The following KDM4B variants were observed in gnomAD, a reference collection of about 807,000 sequenced individuals.
The protein encoded by KDM4B is lysine demethylase 4B, also known as lysine-specific demethylase 4B.
A neutral mutation model predicts 125.2 loss-of-function variants in KDM4B; 32 were observed. That is an observed-to-expected ratio of 0.26 (90% CI 0.19 to 0.34). The LOEUF is 0.34. Among genes scored for constraint, KDM4B ranks in the 10% least tolerant of loss-of-function variants. KDM4B has a pLI of 1.00. For missense variants in KDM4B, 1,190 were observed against 1,577.7 expected (o/e 0.75, Z 4.16); for synonymous variants, 721 against 677.9 (o/e 1.06, Z -0.99).
chr19:5,008,222 T>G (rs1046918938), intron 1 of KDM4B, among the ~76,000 whole-genome samples: 4 of 152,258 alleles, frequency 2.6e-5, no homozygotes, highest in African/African-American at 9.6e-5. Flanking sequence ...CCTTCATTTT[T>G]TGTGTGTGAA....
At chr19:5,136,599 G>T (rs1273250171) in intron 15 of KDM4B, among the ~76,000 whole-genome samples, 2 of 152,108 alleles carry the variant, frequency 1.3e-5, no homozygotes, top group Admixed American at 1.3e-4. Context: ...GCCTGCCACA[G>T]CCGGGCCGCC....
chr19:4,996,572 C>A (rs940848032), intron 1 of KDM4B, among the ~76,000 whole-genome samples: 1 of 151,472 alleles, frequency 6.6e-6, no homozygotes, highest in Non-Finnish European at 1.5e-5. Context: ...GACGCGGTCT[C>A]GCCATGTTGT....
intron 1 of KDM4B, among the ~76,000 whole-genome samples, chr19:5,007,111 C>A (rs1002556507): frequency 3.3e-5 from 5 of 152,212 alleles, no homozygotes; most frequent in Admixed American, 2.0e-4. Flanking sequence ...CCTGTCCCCA[C>A]CATCCCTCGT....
intron 18 of KDM4B, among the ~76,000 whole-genome samples, chr19:5,139,327 G>T (rs922395843): frequency 4.6e-5 from 7 of 152,152 alleles, no homozygotes; most frequent in Admixed American, 3.9e-4. Flanking sequence ...GGACGACGTT[G>T]TGTTGATCCG....
Position 5,082,396 on chromosome 19 carries a change from C to T in KDM4B, c.810C>T (p.Ile270=), listed in dbSNP as rs1483365071. The change falls in exon 9 of 23, where the codon ATC becomes ATT. Residue 270 remains isoleucine (I), a synonymous_variant. Coordinates refer to ENST00000159111, the MANE Select transcript of KDM4B (RefSeq NM_015015.3). The surrounding 1 kb of genome is among the most constrained non-coding windows in gnomAD (Gnocchi z 5.4). ...RITQEAGEFM[I]TFPYGYHAGF... Reference sequence around the variant, plus strand: ...CGCAGGAGGCCGGGGAATTCATGATCACATTTCCCTACGGCTACCACGCCG... The same window carrying T: ...CGCAGGAGGCCGGGGAATTCATGATTACATTTCCCTACGGCTACCACGCCG... 3 of 1,613,810 alleles carry T rather than the reference C, an allele frequency of 1.9e-6. No individual in the cohort carries two copies. Among genetic ancestry groups the T allele is most frequent in the Non-Finnish European group, 2.5e-6 (3 of 1,179,984 alleles).
chr19:4,978,796 G>A lies in KDM4B; in HGVS notation c.-109+9566G>A, dbSNP rs897009146. 3.3e-5 allele frequency among the ~76,000 whole-genome samples: 5 copies of A among 152,212 alleles called. No homozygotes were observed. In the East Asian group the frequency reaches 9.6e-4, roughly 29 times the overall value. On this transcript the variant is annotated intron_variant, in intron 1 of 22. Coordinates refer to ENST00000159111, the MANE Select transcript of KDM4B (RefSeq NM_015015.3). The stretch of plus-strand genomic sequence containing the variant: ...GTGGTCAGGCCCAGGCTGGTGCGTG[G>A]TCACTGGGAGCTCGGGCAGCATGGC...
At chr19:5,112,133 G>A (rs1355498286) in intron 10 of KDM4B, 6 of 326,388 alleles carry the variant, frequency 1.8e-5, no homozygotes, top group South Asian at 3.7e-5. Context: ...TGCGCCTGTG[G>A]TCCCAACTAC....
At chr19:5,036,217 A>G (rs1183831441) in intron 3 of KDM4B, among the ~76,000 whole-genome samples, 1 of 152,072 alleles carries the variant, frequency 6.6e-6, no homozygotes, top group Non-Finnish European at 1.5e-5. Flanking sequence ...GTGTGCGTGC[A>G]TGTATGTGTG....
At chr19:5,058,338 C>G (rs375216723) in intron 6 of KDM4B, among the ~76,000 whole-genome samples, 3 of 152,186 alleles carry the variant, frequency 2.0e-5, no homozygotes, top group Non-Finnish European at 4.4e-5. Context: ...ACACTCCACG[C>G]GCAACCCCCA....
intron 9 of KDM4B, among the ~76,000 whole-genome samples, chr19:5,101,542 C>A (rs1453316954): frequency 6.6e-6 from 1 of 150,608 alleles, no homozygotes; most frequent in Non-Finnish European, 1.5e-5. Flanking sequence ...AAAAAAAAAA[C>A]AAAACCCCAA....
Position 5,023,258 on chromosome 19 carries a change from G to A in KDM4B, c.-26+6919G>A, listed in dbSNP as rs141378444. 6.0e-3 allele frequency among the ~76,000 whole-genome samples: 909 copies of A among 152,330 alleles called. 7 individuals are homozygous for A. Among genetic ancestry groups the A allele is most frequent in the Admixed American group, 0.011 (173 of 15,302 alleles). On this transcript the variant is annotated intron_variant, in intron 2 of 22. Coordinates refer to ENST00000159111, the MANE Select transcript of KDM4B (RefSeq NM_015015.3). Reference sequence around the variant, plus strand: ...TCTGGAGTAGGACGAAGCAGAGAACGTTCTCGTGCCAAGGTTTTCTCTTTC... The same window carrying A: ...TCTGGAGTAGGACGAAGCAGAGAACATTCTCGTGCCAAGGTTTTCTCTTTC...
intron 11 of KDM4B, among the ~76,000 whole-genome samples, chr19:5,123,557 C>T (rs2039399544): frequency 6.6e-6 from 1 of 152,268 alleles, no homozygotes; most frequent in African/African-American, 2.4e-5. Flanking sequence ...GCTAGGACTG[C>T]AGCACCATTC....
intron 2 of KDM4B, among the ~76,000 whole-genome samples, chr19:5,022,093 CTG>C (rs1423681981): frequency 6.6e-6 from 1 of 152,178 alleles, no homozygotes; most frequent in Non-Finnish European, 1.5e-5. Context: ...TTGGATCAAA[CTG>C]TTGGTTTTAT....
intron 6 of KDM4B, among the ~76,000 whole-genome samples, chr19:5,068,180 G>A (rs1346857964): frequency 1.3e-5 from 2 of 151,580 alleles, no homozygotes; most frequent in African/African-American, 4.9e-5. Context: ...GGAGGGGGCC[G>A]TGCATTCTTC....
Position 5,119,840 on chromosome 19 carries a change from G to A in KDM4B, c.1303G>A (p.Glu435Lys), listed in dbSNP as rs1396907043. ...PQPLPHGREA[E>K]GAEEDGRGKL... ...GCCACTGCCACACGGCCGGGAGGCC[G>A]AGGGCGCAGAAGGTCAGTCCCTGCC... The change falls in exon 11 of 23, where the codon GAG (glutamate) becomes AAG (lysine). Residue 435 changes from glutamate (E) to lysine (K), a missense_variant. Physicochemically the swap from Glu to Lys is moderately conservative, Grantham distance 56 (BLOSUM62 1). Transcript: ENST00000159111. The A allele has an allele frequency of 4.5e-6, 7 of 1,545,976 alleles. No homozygotes were observed. Among genetic ancestry groups the A allele is most frequent in the Non-Finnish European group, 5.2e-6 (6 of 1,146,106 alleles).
intron 2 of KDM4B, among the ~76,000 whole-genome samples, chr19:5,029,071 T>C (rs2036370553): frequency 6.6e-6 from 1 of 152,168 alleles, no homozygotes; most frequent in Non-Finnish European, 1.5e-5. Flanking sequence ...CCGCCACACC[T>C]GGCTAATTTT....
At chr19:4,984,089 G>T (rs2034744276) in intron 1 of KDM4B, among the ~76,000 whole-genome samples, 1 of 152,210 alleles carries the variant, frequency 6.6e-6, no homozygotes, top group Non-Finnish European at 1.5e-5. Flanking sequence ...CTCCTGGCGT[G>T]GGGTGGGTGG....
At chr19:5,071,713 G>A (rs1298724110) in intron 7 of KDM4B, among the ~76,000 whole-genome samples, 1 of 152,194 alleles carries the variant, frequency 6.6e-6, no homozygotes, top group Non-Finnish European at 1.5e-5. Flanking sequence ...GGAGACACCC[G>A]GGATGGGGCC....
intron 1 of KDM4B, among the ~76,000 whole-genome samples, chr19:5,005,524 G>T (rs1177988485): frequency 6.6e-6 from 1 of 152,170 alleles, no homozygotes; most frequent in Non-Finnish European, 1.5e-5. Flanking sequence ...TACAGATGAG[G>T]AAACTGAGGC....
Sources: gnomAD v4.1 joint callset for allele counts (sites outside exome capture counted in the v4.1 genomes callset) on GRCh38, gnomAD v4.1.1 for gene constraint, Gnocchi (gnomAD v3.1) non-coding constraint, MANE v1.5 for transcripts, NCBI Gene and HGNC (gene_info 2026-07-23, HGNC 2026-07-21) for gene names.